Variants in FOXP2 observed in about 807,000 individuals in gnomAD.
The protein encoded by FOXP2 is forkhead box P2.
In FOXP2, 12 loss-of-function variants were observed where a neutral mutation model predicts 115.8. That is an observed-to-expected ratio of 0.10 (90% CI 0.07 to 0.17). The LOEUF is 0.17. Ranked by LOEUF, FOXP2 falls within the 10% of genes least tolerant of loss-of-function variation. The pLI, the probability that FOXP2 is intolerant of heterozygous loss-of-function variation, is 1.00. For synonymous variants in FOXP2, 328 were observed against 297.7 expected (o/e 1.10, Z -1.05); for missense variants, 629 against 843.5 (o/e 0.75, Z 3.15).
chr7:114,670,350 T>C lies in FOXP2; in HGVS notation c.2003+5914T>C, dbSNP rs1465333177. Among the ~76,000 whole-genome samples, 3 of 152,062 alleles carry C rather than the reference T, an allele frequency of 2.0e-5. No individual in the cohort carries two copies. The East Asian group carries it at 5.8e-4, about 29-fold the overall frequency. ...GTGTCATATAAAATGAGTAATGTAG[T>C]ATTATTTCAGAATTGCAATAGAGAT... is the stretch of plus-strand genomic sequence containing the variant. On this transcript the variant is annotated intron_variant, in intron 16 of 16. Coordinates refer to ENST00000350908, the MANE Select transcript of FOXP2 (RefSeq NM_014491.4).
intron 2 of FOXP2, among the ~76,000 whole-genome samples, chr7:114,534,344 T>C (rs1799274883): frequency 6.6e-6 from 1 of 151,872 alleles, no homozygotes; most frequent in Non-Finnish European, 1.5e-5. Flanking sequence ...AATGAGGTTA[T>C]TGATGCAGTT....
intron 3 of FOXP2, among the ~76,000 whole-genome samples, chr7:114,565,512 T>A (rs1441997793): frequency 2.0e-5 from 3 of 152,140 alleles, no homozygotes; most frequent in African/African-American, 7.2e-5. Context: ...CTTATGAATC[T>A]GAATCTCTAG....
chr7:114,444,793 A>C (rs1794759118), intron 2 of FOXP2, among the ~76,000 whole-genome samples: 1 of 152,150 alleles, frequency 6.6e-6, no homozygotes, highest in Admixed American at 6.6e-5. Context: ...TATATAGTTA[A>C]TATGTACTGC....
chr7:114,602,627 G>A (rs561367400), intron 3 of FOXP2, among the ~76,000 whole-genome samples: 2 of 151,948 alleles, frequency 1.3e-5, no homozygotes, highest in South Asian at 2.1e-4. Context: ...CACCCCCAAA[G>A]CCTCCTTAAA....
intron 1 of FOXP2, among the ~76,000 whole-genome samples, chr7:114,122,349 A>G (rs956152963): frequency 2.0e-5 from 3 of 151,298 alleles, no homozygotes; most frequent in Non-Finnish European, 2.9e-5. Context: ...TGAATATAAA[A>G]TGTAGTTTCT....
At chr7:114,509,313 G>A (rs552506213) in intron 2 of FOXP2, among the ~76,000 whole-genome samples, 41 of 151,734 alleles carry the variant, frequency 2.7e-4, no homozygotes, top group Admixed American at 8.6e-4. Flanking sequence ...AGACAGTTTC[G>A]CTCTTGTTGC....
At chr7:114,382,715 T>C (rs1792338969) in intron 2 of FOXP2, among the ~76,000 whole-genome samples, 2 of 152,182 alleles carry the variant, frequency 1.3e-5, no homozygotes, top group South Asian at 4.1e-4. Flanking sequence ...GGCAGACTTT[T>C]GAAGTTTTTT....
chr7:114,312,954 T>C (rs1307550767), intron 2 of FOXP2, among the ~76,000 whole-genome samples: 1 of 152,204 alleles, frequency 6.6e-6, no homozygotes, highest in African/African-American at 2.4e-5. Context: ...GAGAGACCCA[T>C]GGAGAACCCA....
At chr7:114,622,562 G>A (rs573095478) in intron 3 of FOXP2, among the ~76,000 whole-genome samples, 1 of 151,868 alleles carries the variant, frequency 6.6e-6, no homozygotes, top group South Asian at 2.1e-4. Flanking sequence ...TGCCTTTTCT[G>A]ACTCTTTGTT....
At chr7:114,492,865 G>A (rs1323249072) in intron 2 of FOXP2, among the ~76,000 whole-genome samples, 2 of 152,112 alleles carry the variant, frequency 1.3e-5, no homozygotes, top group Non-Finnish European at 2.9e-5. Flanking sequence ...GTGTGGTGTG[G>A]TGCTGAAAAG....
chr7:114,337,471 T>C (rs2129183847), intron 2 of FOXP2, among the ~76,000 whole-genome samples: 1 of 151,358 alleles, frequency 6.6e-6, no homozygotes, highest in African/African-American at 2.4e-5. Flanking sequence ...TATGCTGTAA[T>C]AGTCATCTTA....
intron 1 of FOXP2, among the ~76,000 whole-genome samples, chr7:114,097,180 C>T (rs1584476646): frequency 6.6e-6 from 1 of 152,028 alleles, no homozygotes; most frequent in Non-Finnish European, 1.5e-5. Flanking sequence ...TTTTAGTGTA[C>T]AGTTCTTTAT....
chr7:114,470,798 C>T (rs1421331495), intron 2 of FOXP2, among the ~76,000 whole-genome samples: 3 of 152,028 alleles, frequency 2.0e-5, no homozygotes, highest in Non-Finnish European at 4.4e-5. Context: ...AGATACCTAC[C>T]ATCCTCCTTC....
chr7:114,228,002 C>T (rs907314771), intron 1 of FOXP2, among the ~76,000 whole-genome samples: 1 of 152,024 alleles, frequency 6.6e-6, no homozygotes, highest in South Asian at 2.1e-4. Context: ...AATACCACTA[C>T]TTTGAAAGCA....
intron 16 of FOXP2, among the ~76,000 whole-genome samples, chr7:114,685,190 T>C (rs1022463598): frequency 1.3e-5 from 2 of 152,200 alleles, no homozygotes; most frequent in Admixed American, 6.5e-5. Flanking sequence ...AACTTGCAAA[T>C]TGGCTATGGA....
At chr7:114,545,804 CT>C (rs1405875140) in intron 3 of FOXP2, among the ~76,000 whole-genome samples, 1 of 152,066 alleles carries the variant, frequency 6.6e-6, no homozygotes, top group Non-Finnish European at 1.5e-5. Flanking sequence ...ATCTAGAAAT[CT>C]TTTTTGCATC....
At chr7:114,550,007 G>A (rs1351438785) in intron 3 of FOXP2, among the ~76,000 whole-genome samples, 1 of 151,678 alleles carries the variant, frequency 6.6e-6, no homozygotes, top group Non-Finnish European at 1.5e-5. Flanking sequence ...TCATAGGCCA[G>A]TAAGTTAAAC....
chr7:114,499,949 C>T (rs1056107523), intron 2 of FOXP2, among the ~76,000 whole-genome samples: 8 of 152,124 alleles, frequency 5.3e-5, no homozygotes, highest in African/African-American at 1.9e-4. Context: ...GGCACGGTGG[C>T]TCACGCCTGT....
At chr7:114,493,105 C>A in intron 2 of FOXP2, among the ~76,000 whole-genome samples, 1 of 152,228 alleles carries the variant, frequency 6.6e-6, no homozygotes, top group Middle Eastern at 3.4e-3. Flanking sequence ...GTATTGGGTG[C>A]GTATACATTT....
Sources: gnomAD v4.1 joint callset for allele counts (sites outside exome capture counted in the v4.1 genomes callset) on GRCh38, gnomAD v4.1.1 for gene constraint, MANE v1.5 for transcripts, NCBI Gene and HGNC (gene_info 2026-07-23, HGNC 2026-07-21) for gene names.